The following PGGT1B variants were observed in gnomAD, a reference collection of about 807,000 sequenced individuals.
PGGT1B encodes the protein geranylgeranyl transferase type-1 subunit beta.
In PGGT1B, 30 loss-of-function variants were observed where a neutral mutation model predicts 46.1. That is an observed-to-expected ratio of 0.65 (90% CI 0.49 to 0.88). The LOEUF (loss-of-function observed/expected upper bound fraction) is 0.88. Among genes scored for constraint, PGGT1B ranks in the 40% least tolerant of loss-of-function variants. The probability of loss-of-function intolerance (pLI) is 0.00; values close to 1 mark genes in which losing one functional copy is unlikely to be tolerated. For synonymous variants in PGGT1B, 170 were observed against 160.0 expected (o/e 1.06, Z -0.47); for missense variants, 376 against 455.9 (o/e 0.82, Z 1.60).
intron 6 of PGGT1B, among the ~76,000 whole-genome samples, chr5:115,224,851 A>T (rs559010904): frequency 2.0e-5 from 3 of 151,040 alleles, no homozygotes; most frequent in African/African-American, 7.3e-5. Context: ...AAAAAAAAAA[A>T]GTAGTAGTAT....
intron 1 of PGGT1B, among the ~76,000 whole-genome samples, chr5:115,259,273 C>T (rs941715241): frequency 2.0e-5 from 3 of 152,196 alleles, no homozygotes; most frequent in Non-Finnish European, 2.9e-5. Context: ...AAGGCCCACA[C>T]AGAATCCAAT....
At chr5:115,245,257 T>A (rs1747777673) in intron 2 of PGGT1B, among the ~76,000 whole-genome samples, 1 of 152,216 alleles carries the variant, frequency 6.6e-6, no homozygotes, top group Non-Finnish European at 1.5e-5. Flanking sequence ...CTGAGTGAAA[T>A]AAATGAATTT....
intron 2 of PGGT1B, among the ~76,000 whole-genome samples, chr5:115,243,134 G>T (rs1757399184): frequency 6.6e-6 from 1 of 151,066 alleles, no homozygotes; most frequent in Non-Finnish European, 1.5e-5. Flanking sequence ...TTATCCTAAG[G>T]ACTTTTAAAT....
chr5:115,253,200 C>T lies in PGGT1B; in HGVS notation c.196G>A (p.Val66Met). 1.2e-6 allele frequency: 2 copies of T among 1,601,864 alleles called. No individual in the cohort carries two copies. Among genetic ancestry groups the T allele is most frequent in the Non-Finnish European group, 1.7e-6 (2 of 1,174,600 alleles). The stretch of plus-strand genomic sequence containing the variant: ...TCTATTATATCATCTTTGTTCACCA[C>T]ATCTAAGGAATCCAACATATCCAGC... ...SGLDMLDSLD[V>M]VNKDDIIEWI... is the part of the protein sequence containing the mutation. The change falls in exon 2 of 9, where the codon GTG (valine) becomes ATG (methionine). Residue 66 changes from valine (V) to methionine (M), a missense_variant. By Grantham distance (21) the Val-to-Met change is conservative. Around this residue, in one of 2 missense-constraint regions of PGGT1B, gnomAD observed 154 missense variants for 142.3 expected, o/e 1.08. Transcript: ENST00000419445.
At position 115,207,257 on chromosome 5, in the gene PGGT1B, TACAGA is replaced by T. The variant is rs1756094467; in HGVS notation, c.*5140_*5144del. The T allele has an allele frequency of 6.8e-6, 1 of 146,720 alleles. No individual in the cohort carries two copies. Among genetic ancestry groups the T allele is most frequent in the Non-Finnish European group, 1.5e-5 (1 of 66,466 alleles). 9.1% of individuals were successfully genotyped at this position (146,720 alleles called of 1,614,324 possible). On this transcript the variant is annotated 3_prime_UTR_variant, in exon 9 of 9. Transcript: ENST00000419445. ...ATTTTTACTGAGCTATAATTATACA[TACAGA>T]AAAGTGCACAAATCATATACAGCTT...
rs1324051942 is a variant in PGGT1B, at chr5:115,209,954, C to T, written c.*2448G>A. ...GTCATCTGATTCCAGAGCACCTCCTCATTAACTGTCTCTCAAAAATGATCA... is the reference window on the plus strand; with the variant it reads ...GTCATCTGATTCCAGAGCACCTCCTTATTAACTGTCTCTCAAAAATGATCA... On this transcript the variant is annotated 3_prime_UTR_variant, in exon 9 of 9. Coordinates refer to ENST00000419445, the MANE Select transcript of PGGT1B (RefSeq NM_005023.4). 1 of 152,066 alleles carries T rather than the reference C, an allele frequency of 6.6e-6. No individual in the cohort carries two copies. Among genetic ancestry groups the T allele is most frequent in the Non-Finnish European group, 1.5e-5 (1 of 67,996 alleles). 9.4% of individuals were successfully genotyped at this position (152,066 alleles called of 1,614,324 possible).
intron 5 of PGGT1B, chr5:115,231,623 C>T (rs1756986967): frequency 6.6e-6 from 1 of 152,048 alleles, no homozygotes; most frequent in Admixed American, 6.6e-5. Flanking sequence ...TATTGCAACT[C>T]TACACACCTT....
intron 1 of PGGT1B, 94 bp downstream of exon 1, chr5:115,262,618 C>T (rs1748612650): frequency 7.1e-7 from 1 of 1,415,882 alleles, no homozygotes; most frequent in African/African-American, 1.4e-5. Context: ...CCGCGCAGCC[C>T]CCTTCCGGCG....
intron 6 of PGGT1B, among the ~76,000 whole-genome samples, chr5:115,222,738 A>G (rs1580749357): frequency 6.6e-6 from 1 of 152,352 alleles, no homozygotes; most frequent in Non-Finnish European, 1.5e-5. Context: ...ACATCCATCA[A>G]TGATAGACTG....
chr5:115,241,706 G>C, intron 2 of PGGT1B, 100 bp from the exon 3 acceptor site: 1 of 803,040 alleles, frequency 1.2e-6, no homozygotes, highest in Non-Finnish European at 1.9e-6. Flanking sequence ...GACTATTTTA[G>C]TCTCCATTTT....
intron 2 of PGGT1B, among the ~76,000 whole-genome samples, chr5:115,248,167 C>T (rs1385441492): frequency 1.3e-5 from 2 of 152,096 alleles, no homozygotes; most frequent in Non-Finnish European, 2.9e-5. Context: ...TTTATGGGAT[C>T]TATTAAGGAA....
rs1322412789 is a variant in PGGT1B, at chr5:115,207,480, T to C, written c.*4922A>G. On this transcript the variant is annotated 3_prime_UTR_variant, in exon 9 of 9. Coordinates refer to ENST00000419445, the MANE Select transcript of PGGT1B (RefSeq NM_005023.4). ...AACAGACAAAACTAATTGATGGTAA[T>C]TTTGACAGCACTTACCTTTGGGAAG... 6.6e-6 allele frequency: 1 copy of C among 151,878 alleles called. No homozygotes were observed. Among genetic ancestry groups the C allele is most frequent in the Non-Finnish European group, 1.5e-5 (1 of 67,894 alleles). 9.4% of individuals were successfully genotyped at this position (151,878 alleles called of 1,614,324 possible).
chr5:115,257,779 C>T (rs1748386751), intron 1 of PGGT1B, among the ~76,000 whole-genome samples: 1 of 152,116 alleles, frequency 6.6e-6, no homozygotes, highest in South Asian at 2.1e-4. Context: ...CCTATGACTA[C>T]ATCATATTGC....
chr5:115,224,774 G>A (rs1414310290), intron 6 of PGGT1B, among the ~76,000 whole-genome samples: 1 of 150,560 alleles, frequency 6.6e-6, no homozygotes, highest in Non-Finnish European at 1.5e-5. Context: ...CTCAGAAGGT[G>A]GAAGTAGGAC....
At chr5:115,247,024 T>C (rs555532969) in intron 2 of PGGT1B, among the ~76,000 whole-genome samples, 1 of 152,330 alleles carries the variant, frequency 6.6e-6, no homozygotes, top group South Asian at 2.1e-4. Context: ...AATGTATCTA[T>C]AGTTATCAAC....
rs2126995334 is a variant in PGGT1B, at chr5:115,221,969, A to C, written c.698T>G (p.Met233Arg). 6.2e-7 allele frequency: 1 copy of C among 1,600,610 alleles called. No homozygotes were observed. The highest frequency in any genetic ancestry group is 8.5e-7 in the Non-Finnish European group (1 of 1,174,718). ...TFCGIASLCL[M>R]GKLEEVFSEK... Reference sequence around the variant, plus strand: ...TGAAAAAACTTCTTCTAGTTTACCCATCAGACATAGTGAGGCAATGCCACA... The same window carrying C: ...TGAAAAAACTTCTTCTAGTTTACCCCTCAGACATAGTGAGGCAATGCCACA... Residue 233 changes from methionine (M) to arginine (R), a missense_variant, in exon 7 of 9, where the codon ATG becomes AGG. Physicochemically the swap from Met to Arg is moderately conservative, Grantham distance 91. This residue lies in a region of PGGT1B where 222 missense variants were observed against 313.6 expected (regional missense o/e 0.71). Coordinates refer to ENST00000419445, the MANE Select transcript of PGGT1B (RefSeq NM_005023.4).
rs1175889899 is a variant in PGGT1B, at chr5:115,210,923, A to C, written c.*1479T>G. 2.6e-5 allele frequency: 4 copies of C among 152,124 alleles called. No homozygotes were observed. Among genetic ancestry groups the C allele is most frequent in the Non-Finnish European group, 5.9e-5 (4 of 67,954 alleles). 9.4% of individuals were successfully genotyped at this position (152,124 alleles called of 1,614,324 possible). A position where few individuals can be genotyped will look rare whatever the true frequency, so the allele number is the denominator to read the frequency against. ...AGTTGGCAAACTCAGGTTTAAAACTAAGCATGCCAATAATAAATCAATCAT... is the reference window on the plus strand; with the variant it reads ...AGTTGGCAAACTCAGGTTTAAAACTCAGCATGCCAATAATAAATCAATCAT... On this transcript the variant is annotated 3_prime_UTR_variant, in exon 9 of 9. Transcript: ENST00000419445.
intron 8 of PGGT1B, among the ~76,000 whole-genome samples, chr5:115,213,445 T>C (rs553229904): frequency 2.0e-5 from 3 of 152,312 alleles, no homozygotes; most frequent in South Asian, 2.1e-4. Flanking sequence ...TATTTTTGAA[T>C]TGGCCGACAT....
At chr5:115,241,447 G>A (rs928805889) in intron 3 of PGGT1B, 92 bp downstream of exon 3, 17 of 632,906 alleles carry the variant, frequency 2.7e-5, no homozygotes, top group African/African-American at 2.7e-4. Flanking sequence ...AAATCTGGAA[G>A]CCTGTTTTTT....
Sources: gnomAD v4.1 joint callset for allele counts (sites outside exome capture counted in the v4.1 genomes callset) on GRCh38, gnomAD v4.1.1 for gene constraint, gnomAD v4.1.1 regional missense constraint, MANE v1.5 for transcripts, NCBI Gene and HGNC (gene_info 2026-07-23, HGNC 2026-07-21) for gene names.